Variants in LPA observed in about 807,000 individuals in gnomAD.
LPA encodes lipoprotein(a).
LPA carries 199 observed loss-of-function variants against 197.9 expected under a neutral mutation model. The ratio of observed to expected loss-of-function variants is 1.01; its 90% confidence interval spans 0.90 to 1.13. The LOEUF (loss-of-function observed/expected upper bound fraction) is 1.13. LPA is among the 50% of genes most tolerant of loss of function. LPA has a pLI of 0.00. For synonymous variants in LPA, 715 were observed against 639.5 expected (o/e 1.12, Z -1.78); for missense variants, 1,853 against 1,785.8 (o/e 1.04, Z -0.68).
At chr6:160,585,585 G>A (rs770800626) in intron 25 of LPA, among the ~76,000 whole-genome samples, 2 of 152,038 alleles carry the variant, frequency 1.3e-5, no homozygotes, top group Non-Finnish European at 2.9e-5. Context: ...GTGGTGATTG[G>A]CTGTTAGTGG....
At chr6:160,549,153 A>T (rs1778128727) in intron 30 of LPA, among the ~76,000 whole-genome samples, 1 of 152,166 alleles carries the variant, frequency 6.6e-6, no homozygotes, top group Admixed American at 6.5e-5. Context: ...ACAGCCTGGG[A>T]GAAACTGCCC....
At chr6:160,533,703 A>G (rs1341987113) in intron 37 of LPA, among the ~76,000 whole-genome samples, 1 of 152,242 alleles carries the variant, frequency 6.6e-6, no homozygotes, top group Admixed American at 6.5e-5. Flanking sequence ...CCCTTGTGAT[A>G]TTCAATTTTT....
chr6:160,555,970 T>C (rs910147410), intron 30 of LPA, 55 bp downstream of exon 30: 2 of 1,279,224 alleles, frequency 1.6e-6, no homozygotes, highest in African/African-American at 2.9e-5. Flanking sequence ...AAGGCTCTTC[T>C]AGGAGGAACT....
intron 16 of LPA, among the ~76,000 whole-genome samples, chr6:160,610,815 G>T (rs945265348): frequency 3.3e-5 from 5 of 152,112 alleles, no homozygotes; most frequent in African/African-American, 1.2e-4. Context: ...GGCATCTATG[G>T]AGTTGAGCTC....
intron 16 of LPA, among the ~76,000 whole-genome samples, chr6:160,608,818 G>GTT (rs924184348): frequency 1.0e-5 from 1 of 99,874 alleles, no homozygotes; most frequent in South Asian, 2.9e-4. Context: ...TTTCTTGAGG[G>GTT]TTGTGTGTGT....
chr6:160,538,868 C>T (rs190584541), intron 36 of LPA, among the ~76,000 whole-genome samples: 79 of 152,278 alleles, frequency 5.2e-4, no homozygotes, highest in African/African-American at 1.7e-3. Context: ...CCCCACATTT[C>T]CTAAGTGACT....
chr6:160,568,333 C>T (rs935513487), intron 28 of LPA, among the ~76,000 whole-genome samples: 1 of 151,060 alleles, frequency 6.6e-6, no homozygotes, highest in Non-Finnish European at 1.5e-5. Flanking sequence ...GCTGGTTCAA[C>T]ATATGCAAAT....
intron 20 of LPA, among the ~76,000 whole-genome samples, chr6:160,598,953 G>T (rs1779182817): frequency 6.6e-6 from 1 of 152,148 alleles, no homozygotes; most frequent in South Asian, 2.1e-4. Flanking sequence ...TAACTCTTTG[G>T]TCATTTGTCA....
intron 2 of LPA, among the ~76,000 whole-genome samples, chr6:160,646,999 C>G (rs1443507622): frequency 6.6e-6 from 1 of 152,106 alleles, no homozygotes; most frequent in East Asian, 1.9e-4. Context: ...GTCTGTCATT[C>G]CCATATCATG....
rs747467097 is a variant in LPA, at chr6:160,578,663, A to C, written c.4331T>G (p.Ile1444Ser). ...RNYCRNPDAE[I>S]RPWCYTMDPS... ...ATCCATGGTGTAACACCAAGGGCGA[A>C]TCTCAGCATCTGGATTCCTGCAGTA... The change falls in exon 27 of 39, where the codon ATT becomes AGT. Residue 1444 changes from isoleucine to serine, a missense_variant. Ile to Ser is a moderately radical substitution (Grantham distance 142, BLOSUM62 -2). Transcript: ENST00000316300. The C allele has an allele frequency of 5.6e-6, 9 of 1,613,940 alleles. No individual in the cohort carries two copies. In the South Asian group the frequency reaches 8.8e-5, roughly 16 times the overall value.
At chr6:160,555,422 A>G (rs897389166) in intron 30 of LPA, among the ~76,000 whole-genome samples, 5 of 114,390 alleles carry the variant, frequency 4.4e-5, no homozygotes, top group African/African-American at 6.6e-5. Flanking sequence ...AAAACCTTGC[A>G]TGTTTCCCTA....
intron 19 of LPA, among the ~76,000 whole-genome samples, chr6:160,600,215 C>T (rs1310886547): frequency 2.6e-5 from 4 of 152,162 alleles, no homozygotes; most frequent in Non-Finnish European, 5.9e-5. Flanking sequence ...AGGCCAAAAG[C>T]TTATCACCTA....
At chr6:160,568,616 A>G (rs1440422906) in intron 28 of LPA, among the ~76,000 whole-genome samples, 2 of 152,186 alleles carry the variant, frequency 1.3e-5, no homozygotes, top group Non-Finnish European at 2.9e-5. Context: ...TATTCAACAT[A>G]GTGTTGGAAG....
At chr6:160,563,421 G>A (rs1197288911) in intron 28 of LPA, among the ~76,000 whole-genome samples, 1 of 152,160 alleles carries the variant, frequency 6.6e-6, no homozygotes, top group Non-Finnish European at 1.5e-5. Flanking sequence ...ATTGCACTTT[G>A]GTCTGAGAGA....
chr6:160,647,045 A>T (rs1242145706), intron 2 of LPA, among the ~76,000 whole-genome samples: 1 of 152,158 alleles, frequency 6.6e-6, no homozygotes, highest in Non-Finnish European at 1.5e-5. Context: ...AGACTTCTCA[A>T]AGCTGCCCTG....
intron 10 of LPA, among the ~76,000 whole-genome samples, chr6:160,626,537 T>TA (rs1779655933): frequency 8.2e-6 from 1 of 122,666 alleles, no homozygotes; most frequent in Non-Finnish European, 1.7e-5. Context: ...CTGAAACGTC[T>TA]AAATTGATCA....
chr6:160,556,243 T>A, intron 29 of LPA, 59 bp from the exon 30 acceptor site: 2 of 1,522,962 alleles, frequency 1.3e-6, no homozygotes, highest in East Asian at 2.3e-5. Flanking sequence ...TGTGAAGCAA[T>A]TTATGACACA....
intron 2 of LPA, among the ~76,000 whole-genome samples, chr6:160,646,904 G>T (rs992574090): frequency 1.3e-5 from 2 of 151,584 alleles, no homozygotes; most frequent in African/African-American, 2.4e-5. Flanking sequence ...ACCTTTCCAG[G>T]TCAACTCTCA....
At chr6:160,597,825 T>A (rs1779162393) in intron 20 of LPA, among the ~76,000 whole-genome samples, 1 of 152,218 alleles carries the variant, frequency 6.6e-6, no homozygotes, top group Non-Finnish European at 1.5e-5. Context: ...CACTAAATGC[T>A]TTTTTATGTG....
Sources: allele counts gnomAD v4.1 joint callset (sites outside exome capture counted in the v4.1 genomes callset), GRCh38; gene constraint gnomAD v4.1.1; transcripts MANE v1.5; gene names NCBI Gene and HGNC (gene_info 2026-07-23, HGNC 2026-07-21).